The following NIPBL variants were observed in gnomAD, a reference collection of about 807,000 sequenced individuals.
NIPBL encodes the protein nipped-B-like protein.
Under a neutral mutation model 321.8 loss-of-function variants are expected in NIPBL, and 19 were observed. That is an observed-to-expected ratio of 0.06 (90% CI 0.04 to 0.09). NIPBL has a LOEUF of 0.09. NIPBL is among the 10% of genes least tolerant of loss of function. The pLI, the probability that NIPBL is intolerant of heterozygous loss-of-function variation, is 1.00. For synonymous variants in NIPBL, 1,106 were observed against 1,114.1 expected (o/e 0.99, Z 0.14); for missense variants, 2,210 against 3,327.0 (o/e 0.66, Z 8.26).
In NIPBL at chr5:36,938,639, G is replaced by T. The variant is rs574769465; in HGVS notation, c.-79-14979G>T. Among the ~76,000 whole-genome samples, 4 of 152,172 alleles carry T rather than the reference G, an allele frequency of 2.6e-5. No individual in the cohort carries two copies. In the South Asian group the frequency reaches 8.3e-4, roughly 32 times the overall value. On this transcript the variant is annotated intron_variant, in intron 1 of 46. Transcript: ENST00000282516. ...TTCAGTGATAAAAATCTATACTAAT[G>T]AACTAGGTACTGTCCAGAATACACA...
At position 37,023,352 on chromosome 5, in the gene NIPBL, G is replaced by A. The variant is rs544639094; in HGVS notation, c.5574+962G>A. Among the ~76,000 whole-genome samples the A allele has an allele frequency of 6.6e-5, 10 of 152,198 alleles. No individual in the cohort carries two copies. In the South Asian group the frequency reaches 1.9e-3, roughly 28 times the overall value. On this transcript the variant is annotated intron_variant, in intron 29 of 46. Transcript: ENST00000282516. Reference sequence around the variant, plus strand: ...TGGGGATTGCTAAAATCACATAATGGAGATTAATAATTTTGCACACTTCAT... The same window carrying A: ...TGGGGATTGCTAAAATCACATAATGAAGATTAATAATTTTGCACACTTCAT...
intron 34 of NIPBL, among the ~76,000 whole-genome samples, chr5:37,038,955 A>G (rs1360706738): frequency 6.6e-6 from 1 of 152,194 alleles, no homozygotes; most frequent in African/African-American, 2.4e-5. Flanking sequence ...CCAAACCCTC[A>G]GTAGATGCTT....
Position 37,051,755 on chromosome 5 carries a change from C to T in NIPBL, c.6955-24C>T, listed in dbSNP as rs140890728. ...GAGAATTTTTACTACCATGATATCTCGTAATTTTTTTTTTTATTTCCAGTG... is the reference window on the plus strand; with the variant it reads ...GAGAATTTTTACTACCATGATATCTTGTAATTTTTTTTTTTATTTCCAGTG... On this transcript the variant is annotated intron_variant, in intron 40 of 46. Transcript: ENST00000282516. The T allele has an allele frequency of 1.0e-4, 149 of 1,491,230 alleles. 1 individual carries two copies. The East Asian group carries it at 3.2e-3, about 32-fold the overall frequency. 92.4% of individuals were successfully genotyped at this position (1,491,230 alleles called of 1,614,324 possible).
At chr5:37,016,439 C>T (rs1161962205) in intron 23 of NIPBL, among the ~76,000 whole-genome samples, 1 of 151,332 alleles carries the variant, frequency 6.6e-6, no homozygotes, top group South Asian at 2.1e-4. Flanking sequence ...TTGTTAAAAG[C>T]ATCTCAACAC....
chr5:36,929,229 G>A (rs1749593214), intron 1 of NIPBL, among the ~76,000 whole-genome samples: 1 of 152,032 alleles, frequency 6.6e-6, no homozygotes, highest in South Asian at 2.1e-4. Context: ...TGTGGTTTCA[G>A]TGAGAATATA....
intron 1 of NIPBL, among the ~76,000 whole-genome samples, chr5:36,907,967 C>G (rs1011953763): frequency 6.6e-6 from 1 of 152,098 alleles, no homozygotes; most frequent in African/African-American, 2.4e-5. Context: ...TGCAGCTAAG[C>G]AGGTATCTAT....
chr5:37,003,312 C>A lies in NIPBL; in HGVS notation c.3820C>A (p.Gln1274Lys). The A allele has an allele frequency of 6.2e-7, 1 of 1,607,002 alleles. No homozygotes were observed. Among genetic ancestry groups the A allele is most frequent in the Non-Finnish European group, 8.5e-7 (1 of 1,174,042 alleles). The change falls in exon 16 of 47, where the codon CAG (glutamine) becomes AAG (lysine). Residue 1274 changes from glutamine (Q) to lysine (K), a missense_variant. Gln to Lys is a moderately conservative substitution (Grantham distance 53). This residue lies in a region of NIPBL where 381 missense variants were observed against 642.3 expected (regional missense o/e 0.59). Coordinates refer to ENST00000282516, the MANE Select transcript of NIPBL (RefSeq NM_133433.4). ...CTTAAATATCTTGGAGAAGAATATT[C>A]AGGATGGGTCAAAGCTTTCCACTTT... ...KVLNILEKNIQDGSKLSTLLN... is the reference protein window; with the variant it reads ...KVLNILEKNIKDGSKLSTLLN...
intron 32 of NIPBL, among the ~76,000 whole-genome samples, chr5:37,033,703 CACAT>C (rs1384562980): frequency 2.2e-3 from 133 of 59,214 alleles, no homozygotes; most frequent in Non-Finnish European, 2.2e-3. Context: ...CACACACACA[CACAT>C]ATATATATAT....
chr5:36,988,084 ACT>A (rs1331297427), intron 10 of NIPBL, among the ~76,000 whole-genome samples: 4 of 152,050 alleles, frequency 2.6e-5, no homozygotes, highest in African/African-American at 7.2e-5. Context: ...TGCTTTCTAA[ACT>A]CTGTTCTAAC....
chr5:36,912,836 C>T (rs1748152187), intron 1 of NIPBL, among the ~76,000 whole-genome samples: 1 of 151,878 alleles, frequency 6.6e-6, no homozygotes, highest in Non-Finnish European at 1.5e-5. Context: ...TCACTGTTTT[C>T]TCTGGTGTTT....
At chr5:36,975,697 C>T in intron 8 of NIPBL, 79 bp from the exon 9 acceptor site, 1 of 1,305,764 alleles carries the variant, frequency 7.7e-7, no homozygotes, top group Non-Finnish European at 1.1e-6. Context: ...ACTATATTGT[C>T]ACTTATTAAT....
At position 37,025,806 on chromosome 5, in the gene NIPBL, TA is replaced by T. The variant is rs1004050944; in HGVS notation, c.5710-413del. ...AATGTGTACAGCTATTATGTATCCATAAAAAAAAAATTTTAAGTTTAGTCCT... is the reference window on the plus strand; with the variant it reads ...AATGTGTACAGCTATTATGTATCCATAAAAAAAAATTTTAAGTTTAGTCCT... On this transcript the variant is annotated intron_variant, in intron 30 of 46. Coordinates refer to ENST00000282516, the MANE Select transcript of NIPBL (RefSeq NM_133433.4). Among the ~76,000 whole-genome samples, 57 of 150,060 alleles carry T rather than the reference TA, an allele frequency of 3.8e-4. No homozygotes were observed. The South Asian group carries it at 4.8e-3, about 13-fold the overall frequency.
chr5:36,958,025 G>T, intron 3 of NIPBL, 79 bp from the exon 4 acceptor site: 1 of 1,407,862 alleles, frequency 7.1e-7, no homozygotes, highest in Non-Finnish European at 1.0e-6. Flanking sequence ...CCATACCAGT[G>T]TGATTTACTT....
chr5:37,062,710 A>G (rs1455583806), intron 45 of NIPBL, among the ~76,000 whole-genome samples: 3 of 152,200 alleles, frequency 2.0e-5, no homozygotes, highest in Non-Finnish European at 4.4e-5. Context: ...GCTTGAGTCC[A>G]GGAAGTCCAG....
At chr5:36,973,791 G>A (rs545241369) in intron 8 of NIPBL, among the ~76,000 whole-genome samples, 2 of 152,130 alleles carry the variant, frequency 1.3e-5, no homozygotes. Flanking sequence ...TTTAAGCCCC[G>A]CCTGCATTAT....
At position 37,002,779 on chromosome 5, in the gene NIPBL, G is replaced by A. The variant is rs1746967606; in HGVS notation, c.3768+14G>A. ...ATAATGGATAAGGTATCTCACCAAA[G>A]TAAAATTTATAAATTTACTTCATAG... On this transcript the variant is annotated intron_variant, in intron 15 of 46. Transcript: ENST00000282516. The A allele has an allele frequency of 7.2e-7, 1 of 1,397,384 alleles. No homozygotes were observed. Among genetic ancestry groups the A allele is most frequent in the Non-Finnish European group, 1.0e-6 (1 of 986,938 alleles). The allele number at this position is 1,397,384 out of a possible 1,614,324, so 86.6% of individuals were successfully genotyped here. A position where few individuals can be genotyped will look rare whatever the true frequency, so the allele number is the denominator to read the frequency against.
chr5:36,894,646 TC>T (rs1442637831), intron 1 of NIPBL, among the ~76,000 whole-genome samples: 1 of 152,102 alleles, frequency 6.6e-6, no homozygotes, highest in Non-Finnish European at 1.5e-5. Context: ...TATGTTTTTT[TC>T]CCCCCACTGC....
chr5:37,018,291 T>C (rs1268348614), intron 24 of NIPBL, among the ~76,000 whole-genome samples: 1 of 152,158 alleles, frequency 6.6e-6, no homozygotes, highest in Non-Finnish European at 1.5e-5. Flanking sequence ...AGCAAAAAAT[T>C]ATCATTAATA....
intron 1 of NIPBL, among the ~76,000 whole-genome samples, chr5:36,883,237 C>G (rs1745638105): frequency 6.6e-6 from 1 of 151,884 alleles, no homozygotes; most frequent in Admixed American, 6.5e-5. Flanking sequence ...GCTTTGCCAT[C>G]TTACATGTGT....
Sources: allele counts gnomAD v4.1 joint callset (sites outside exome capture counted in the v4.1 genomes callset), GRCh38; gene constraint gnomAD v4.1.1; regional missense constraint gnomAD v4.1.1; transcripts MANE v1.5; gene names NCBI Gene and HGNC (gene_info 2026-07-23, HGNC 2026-07-21).